SCHIP1: variants seen among roughly 807,000 people sequenced by gnomAD.
SCHIP1 encodes the protein schwannomin interacting protein 1.
A neutral mutation model predicts 29.7 loss-of-function variants in SCHIP1; 8 were observed. The observed-to-expected ratio is 0.27, with a 90% CI of 0.16 to 0.49. The LOEUF (loss-of-function observed/expected upper bound fraction) is 0.49. Ranked by LOEUF, SCHIP1 falls within the 20% of genes least tolerant of loss-of-function variation. The probability of loss-of-function intolerance (pLI) is 0.99; values close to 1 mark genes in which losing one functional copy is unlikely to be tolerated. For missense variants in SCHIP1, 193 were observed against 294.6 expected, an observed-to-expected ratio of 0.66 and a Z score of 2.52; for synonymous variants, 76 against 94.9, an observed-to-expected ratio of 0.80 and a Z score of 1.16.
chr3:159,494,349 A>G, the SCHIP1 span, among the ~76,000 whole-genome samples: 1 of 152,218 alleles, frequency 6.6e-6, no homozygotes, highest in African/African-American at 2.4e-5. Context: ...AAATTGATAG[A>G]CCGCTAGCAA....
At chr3:159,812,158 A>G in the SCHIP1 span, among the ~76,000 whole-genome samples, 2 of 151,368 alleles carry the variant, frequency 1.3e-5, no homozygotes, top group South Asian at 2.1e-4. Context: ...TTTAGTAGAG[A>G]CGGGGTTTCA....
At chr3:159,841,900 T>G (rs1405455800) in intron 1 of SCHIP1, among the ~76,000 whole-genome samples, 1 of 152,252 alleles carries the variant, frequency 6.6e-6, no homozygotes. Flanking sequence ...ATAGTAGAAC[T>G]ACCTACATGT....
the SCHIP1 span, among the ~76,000 whole-genome samples, chr3:159,481,968 G>A: frequency 6.6e-6 from 1 of 152,024 alleles, no homozygotes; most frequent in African/African-American, 2.4e-5. Context: ...CAGGAAGCTG[G>A]GGCTAATTTT....
chr3:159,650,995 G>A, the SCHIP1 span, among the ~76,000 whole-genome samples: 4 of 152,086 alleles, frequency 2.6e-5, no homozygotes, highest in Admixed American at 2.0e-4. Flanking sequence ...TTACCTCTCT[G>A]TGACTCATCT....
chr3:159,417,367 T>C, the SCHIP1 span, among the ~76,000 whole-genome samples: 17,083 of 152,216 alleles, frequency 0.11, 1,078 homozygotes, highest in Non-Finnish European at 0.13. Context: ...ATAACTCTGA[T>C]ACACCGATAG....
At chr3:159,615,178 C>CA in the SCHIP1 span, among the ~76,000 whole-genome samples, 1 of 152,134 alleles carries the variant, frequency 6.6e-6, no homozygotes, top group African/African-American at 2.4e-5. Context: ...TATCTAGACC[C>CA]AAAACCACAG....
chr3:159,680,698 ATATATAT>A, the SCHIP1 span, among the ~76,000 whole-genome samples: 1 of 1,608 alleles, frequency 6.2e-4, no homozygotes, highest in Non-Finnish European at 4.1e-3. Flanking sequence ...TATATATATA[ATATATAT>A]TATATATAAT....
chr3:159,357,824 C>T, the SCHIP1 span, among the ~76,000 whole-genome samples: 1 of 152,158 alleles, frequency 6.6e-6, no homozygotes, highest in African/African-American at 2.4e-5. Context: ...TATAACACAG[C>T]CACTCCCCTT....
chr3:159,314,082 A>G, the SCHIP1 span, among the ~76,000 whole-genome samples: 7 of 151,974 alleles, frequency 4.6e-5, no homozygotes, highest in African/African-American at 1.2e-4. Flanking sequence ...TAAAGGTACT[A>G]TTTTTCTTTT....
chr3:159,833,395 C>T, the SCHIP1 span, among the ~76,000 whole-genome samples: 2 of 152,142 alleles, frequency 1.3e-5, no homozygotes, highest in African/African-American at 2.4e-5. Context: ...CTCATACTGC[C>T]GTCTCTGGTT....
chr3:159,532,746 C>A, the SCHIP1 span, among the ~76,000 whole-genome samples: 2 of 152,092 alleles, frequency 1.3e-5, no homozygotes, highest in Non-Finnish European at 2.9e-5. Flanking sequence ...ATAGGAAATG[C>A]CCCCTGTGGT....
the SCHIP1 span, among the ~76,000 whole-genome samples, chr3:159,524,215 A>G: frequency 1.3e-5 from 2 of 152,240 alleles, no homozygotes; most frequent in South Asian, 4.1e-4. Flanking sequence ...GTACTTGTCC[A>G]TGCTCTTGGC....
chr3:159,689,376 G>A, the SCHIP1 span, among the ~76,000 whole-genome samples: 2 of 152,050 alleles, frequency 1.3e-5, no homozygotes, highest in Non-Finnish European at 2.9e-5. Context: ...ATGGGAGTTT[G>A]CTCATGATTT....
chr3:159,679,378 G>A, the SCHIP1 span, among the ~76,000 whole-genome samples: 11 of 152,120 alleles, frequency 7.2e-5, no homozygotes, highest in Non-Finnish European at 1.2e-4. Context: ...AGAGCATCTC[G>A]ACAGTTTATT....
At chr3:159,573,598 C>A in the SCHIP1 span, among the ~76,000 whole-genome samples, 1 of 152,078 alleles carries the variant, frequency 6.6e-6, no homozygotes, top group African/African-American at 2.4e-5. Flanking sequence ...TGGGGTTGCT[C>A]TTCTCGAGGA....
At position 159,861,252 on chromosome 3, in the gene SCHIP1, A is replaced by G. The variant is rs1241966994; in HGVS notation, c.31-4911A>G. 6.6e-6 allele frequency among the ~76,000 whole-genome samples: 1 copy of G among 152,116 alleles called. No individual in the cohort carries two copies. Among genetic ancestry groups the G allele is most frequent in the African/African-American group, 2.4e-5 (1 of 41,428 alleles). ...CAGAACCTGGGGAGGGGATGCAGGA[A>G]TGATCTTGGTGTGTAAGGGATGGGG... is the stretch of plus-strand genomic sequence containing the variant. On this transcript the variant is annotated intron_variant, in intron 1 of 6. Coordinates refer to ENST00000445224, the Ensembl canonical transcript of SCHIP1. This position sits in a 1 kb window ranked among gnomAD's most constrained non-coding sequence, Gnocchi z 4.1.
chr3:159,359,614 CTAAA>C, the SCHIP1 span, among the ~76,000 whole-genome samples: 4 of 152,040 alleles, frequency 2.6e-5, no homozygotes, highest in Middle Eastern at 3.4e-3. Flanking sequence ...GAATTTATTT[CTAAA>C]TAAATAATAC....
the SCHIP1 span, among the ~76,000 whole-genome samples, chr3:159,433,930 C>G: frequency 1.3e-5 from 2 of 152,160 alleles, no homozygotes; most frequent in Non-Finnish European, 2.9e-5. Flanking sequence ...CTACTGCATC[C>G]ACTGCCTGCC....
chr3:159,426,658 G>A, the SCHIP1 span, among the ~76,000 whole-genome samples: 3 of 152,184 alleles, frequency 2.0e-5, no homozygotes, highest in East Asian at 3.9e-4. Flanking sequence ...AATAGAAAAA[G>A]AGGGAATCCT....
Sources: gnomAD v4.1 joint callset for allele counts (sites outside exome capture counted in the v4.1 genomes callset) on GRCh38, gnomAD v4.1.1 for gene constraint, Gnocchi (gnomAD v3.1) non-coding constraint, MANE v1.5 for transcripts, NCBI Gene and HGNC (gene_info 2026-07-23, HGNC 2026-07-21) for gene names.